Variants in CDH6 observed in about 807,000 individuals in gnomAD.
CDH6 encodes cadherin-6.
Under a neutral mutation model 78.0 loss-of-function variants are expected in CDH6, and 31 were observed. The observed-to-expected ratio is 0.40, with a 90% CI of 0.30 to 0.54. CDH6 has a LOEUF of 0.54. Ranked by LOEUF, CDH6 falls within the 20% of genes least tolerant of loss-of-function variation. CDH6 has a pLI of 0.56. For synonymous variants in CDH6, 376 were observed against 368.8 expected, an observed-to-expected ratio of 1.02 and a Z score of -0.23; for missense variants, 724 against 975.9, an observed-to-expected ratio of 0.74 and a Z score of 3.44.
At chr5:31,284,797 C>A (rs1030503958) in intron 2 of CDH6, among the ~76,000 whole-genome samples, 1 of 152,190 alleles carries the variant, frequency 6.6e-6, no homozygotes, top group Admixed American at 6.5e-5. Context: ...CTCTAGAGAC[C>A]AGAGGATCAG....
At chr5:31,250,314 T>C (rs1741874659) in intron 1 of CDH6, 1 of 152,440 alleles carries the variant, frequency 6.6e-6, no homozygotes, top group South Asian at 2.1e-4. Context: ...TCCCTCCAGT[T>C]CTTTCAGCAA....
At position 31,304,777 on chromosome 5, in the gene CDH6, T is replaced by A. The variant is rs563699674; in HGVS notation, c.1000-397T>A. Among the ~76,000 whole-genome samples, 3 of 150,372 alleles carry A rather than the reference T, an allele frequency of 2.0e-5. No homozygotes were observed. In the South Asian group the frequency reaches 6.4e-4, roughly 32 times the overall value. On this transcript the variant is annotated intron_variant, in intron 6 of 11. Coordinates refer to ENST00000265071, the MANE Select transcript of CDH6 (RefSeq NM_004932.4). Reference sequence around the variant, plus strand: ...CCAACTTGCCCCTGATGGCCCCCTCTAGTGAAACATGAGTATTTTTTAAGT... The same window carrying A: ...CCAACTTGCCCCTGATGGCCCCCTCAAGTGAAACATGAGTATTTTTTAAGT...
intron 1 of CDH6, among the ~76,000 whole-genome samples, chr5:31,199,456 GTGTATATA>G (rs1283823759): frequency 1.4e-4 from 3 of 21,826 alleles, no homozygotes; most frequent in South Asian, 5.7e-3. Flanking sequence ...ACACACATAT[GTGTATATA>G]TACACACACA....
At position 31,199,685 on chromosome 5, in the gene CDH6, G is replaced by GTGTGTATATATA. The variant is rs796740950; in HGVS notation, c.-129+5800_-129+5801insGTGTATATATAT. On this transcript the variant is annotated intron_variant, in intron 1 of 11. Transcript: ENST00000265071. ...TGTGTGTGTATGTGTGTGTGTGTGT[G>GTGTGTATATATA]TATATATATATATATATATATATAT... Among the ~76,000 whole-genome samples the GTGTGTATATATA allele has an allele frequency of 4.8e-3, 382 of 79,792 alleles. 3 individuals carry two copies. Among genetic ancestry groups the GTGTGTATATATA allele is most frequent in the African/African-American group, 0.016 (333 of 21,072 alleles). The allele number at this position is 79,792 out of a possible 152,430, so 52.3% of individuals were successfully genotyped here.
chr5:31,216,482 AT>A (rs1740867919), intron 1 of CDH6, among the ~76,000 whole-genome samples: 1 of 152,090 alleles, frequency 6.6e-6, no homozygotes, highest in Admixed American at 6.6e-5. Context: ...CATAAATAAA[AT>A]TTTTGGAACA....
In CDH6 at chr5:31,322,836, C is replaced by G. The variant is rs756042612; in HGVS notation, c.1901C>G (p.Ala634Gly). 1.2e-6 allele frequency: 2 copies of G among 1,613,094 alleles called. No homozygotes were observed. Among genetic ancestry groups the G allele is most frequent in the Non-Finnish European group, 1.7e-6 (2 of 1,179,310 alleles). ...VILLVTVVLF[A>G]ALRRQRKKEP... Reference sequence around the variant, plus strand: ...CTTCCAGTGACAGTGGTGCTGTTTGCAGCTCTGAGGCGGCAGCGAAAAAAA... The same window carrying G: ...CTTCCAGTGACAGTGGTGCTGTTTGGAGCTCTGAGGCGGCAGCGAAAAAAA... Residue 634 changes from alanine to glycine, a missense_variant, in exon 12 of 12, where the codon GCA (alanine) becomes GGA (glycine). Around this residue, in one of 3 missense-constraint regions of CDH6, gnomAD observed 220 missense variants for 240.6 expected, o/e 0.91. Coordinates refer to ENST00000265071, the MANE Select transcript of CDH6 (RefSeq NM_004932.4).
chr5:31,222,454 G>A (rs1741030124), intron 1 of CDH6, among the ~76,000 whole-genome samples: 2 of 152,104 alleles, frequency 1.3e-5, no homozygotes, highest in African/African-American at 4.8e-5. Flanking sequence ...CTGGAACAAT[G>A]CTACAGAAAG....
intron 2 of CDH6, among the ~76,000 whole-genome samples, chr5:31,292,787 GTA>G (rs1166532605): frequency 6.9e-6 from 1 of 145,352 alleles, no homozygotes; most frequent in African/African-American, 2.6e-5. Flanking sequence ...GTGTGTATAT[GTA>G]TATATATGTG....
intron 1 of CDH6, among the ~76,000 whole-genome samples, chr5:31,226,548 G>A (rs1253203386): frequency 6.6e-6 from 1 of 152,126 alleles, no homozygotes; most frequent in African/African-American, 2.4e-5. Flanking sequence ...TCTTGGAAGA[G>A]GAACCCAGGG....
In CDH6 at chr5:31,328,216, A is replaced by G. The variant is rs1241177179; in HGVS notation, c.*4908A>G. ...TTTTTTCAAAAACCCATGAACCACA[A>G]ACTCAAATTTCTCCTCAAATGGGGT... On this transcript the variant is annotated 3_prime_UTR_variant, in exon 12 of 12. Coordinates refer to ENST00000265071, the MANE Select transcript of CDH6 (RefSeq NM_004932.4). 1.1e-5 allele frequency: 2 copies of G among 179,898 alleles called. No individual in the cohort carries two copies. The highest frequency in any genetic ancestry group is 5.0e-5 in the African/African-American group (2 of 40,308). 11.1% of individuals were successfully genotyped at this position (179,898 alleles called of 1,614,324 possible). A position where few individuals can be genotyped will look rare whatever the true frequency, so the allele number is the denominator to read the frequency against.
At chr5:31,238,492 T>C (rs1281039353) in intron 1 of CDH6, among the ~76,000 whole-genome samples, 5 of 152,216 alleles carry the variant, frequency 3.3e-5, no homozygotes, top group Non-Finnish European at 5.9e-5. Flanking sequence ...CAGAAAGAAC[T>C]GTCTTTCTAA....
chr5:31,200,137 T>A (rs920780112), intron 1 of CDH6, among the ~76,000 whole-genome samples: 9 of 152,132 alleles, frequency 5.9e-5, no homozygotes, highest in Non-Finnish European at 1.2e-4. Flanking sequence ...TTTTGAAAAA[T>A]CATCTGCAAG....
At chr5:31,292,953 C>A (rs1287871368) in intron 2 of CDH6, among the ~76,000 whole-genome samples, 1 of 150,878 alleles carries the variant, frequency 6.6e-6, no homozygotes, top group Non-Finnish European at 1.5e-5. Context: ...TAACCTTTTG[C>A]TGGGTGGGAA....
At chr5:31,276,213 A>G (rs1183044124) in intron 2 of CDH6, among the ~76,000 whole-genome samples, 1 of 151,030 alleles carries the variant, frequency 6.6e-6, no homozygotes, top group African/African-American at 2.5e-5. Context: ...AGAATTCCCC[A>G]TAAGAAAATT....
rs573659080 is a variant in CDH6 at position 31,245,240 on chromosome 5, C to G, written c.-128-22106C>G. Among the ~76,000 whole-genome samples the G allele has an allele frequency of 7.9e-5, 12 of 152,302 alleles. No individual in the cohort carries two copies. The South Asian group carries it at 2.1e-3, about 26-fold the overall frequency. On this transcript the variant is annotated intron_variant, in intron 1 of 11. Transcript: ENST00000265071. ...CCAACTAAGGAAGGCCTAAAATAGT[C>G]ATGGACCCTGGAACAAGGAGAGATT...
In CDH6 at chr5:31,311,163, C is replaced by G. The variant is rs1351724268; in HGVS notation, c.1254-2155C>G. On this transcript the variant is annotated intron_variant, in intron 7 of 11. Transcript: ENST00000265071. ...CATACACTTTAAGAAACAGCCAGAT[C>G]ACTTCTTGAATGCTTTGCTGCTTAG... Among the ~76,000 whole-genome samples the G allele has an allele frequency of 2.0e-5, 3 of 152,236 alleles. No individual in the cohort carries two copies. The East Asian group carries it at 5.8e-4, about 29-fold the overall frequency.
chr5:31,244,452 G>C (rs1316295963), intron 1 of CDH6, among the ~76,000 whole-genome samples: 2 of 152,162 alleles, frequency 1.3e-5, no homozygotes, highest in Non-Finnish European at 1.5e-5. Context: ...ACTTCATTAA[G>C]GGGGACTCAA....
intron 7 of CDH6, among the ~76,000 whole-genome samples, chr5:31,309,868 C>T (rs867699999): frequency 3.3e-5 from 5 of 152,318 alleles, no homozygotes; most frequent in South Asian, 4.1e-4. Context: ...AGGGGGAAGT[C>T]TGCCCCATGA....
rs1021384697 is a variant in CDH6, at chr5:31,208,272, G to A, written c.-129+14386G>A. The stretch of plus-strand genomic sequence containing the variant: ...GCCCTGGATTCCATCCAAGCCGCAA[G>A]GGGTTTTATGCCCTGGGCTTAGATT... On this transcript the variant is annotated intron_variant, in intron 1 of 11. Transcript: ENST00000265071. 1.1e-4 allele frequency among the ~76,000 whole-genome samples: 17 copies of A among 152,322 alleles called. No individual in the cohort carries two copies. In the East Asian group the frequency reaches 2.9e-3, roughly 26 times the overall value.
Sources: gnomAD v4.1 joint callset for allele counts (sites outside exome capture counted in the v4.1 genomes callset) on GRCh38, gnomAD v4.1.1 for gene constraint, gnomAD v4.1.1 regional missense constraint, MANE v1.5 for transcripts, NCBI Gene and HGNC (gene_info 2026-07-23, HGNC 2026-07-21) for gene names.